Variants in RNH1 observed in about 807,000 individuals in gnomAD.
RNH1 encodes ribonuclease inhibitor.
In RNH1, 38 loss-of-function variants were observed where a neutral mutation model predicts 46.1. The ratio of observed to expected loss-of-function variants is 0.82; its 90% CI spans 0.64 to 1.08. The LOEUF is 1.08. Among genes scored for constraint, RNH1 ranks in the 50% least tolerant of loss-of-function variants. The pLI, the probability that RNH1 is intolerant of heterozygous loss-of-function variation, is 0.00. For missense variants in RNH1, 577 were observed against 590.7 expected (o/e 0.98, Z 0.24); for synonymous variants, 319 against 279.1 (o/e 1.14, Z -1.43).
At chr11:503,819 C>T (rs982824456) in intron 2 of RNH1, among the ~76,000 whole-genome samples, 1 of 152,098 alleles carries the variant, frequency 6.6e-6, no homozygotes, top group African/African-American at 2.4e-5. Flanking sequence ...GGAGTAGCCC[C>T]GTCCCTACCC....
At position 507,195 on chromosome 11, in the gene RNH1, T is replaced by TGAACGTGTC. The variant is rs1410106241; in HGVS notation, c.-352_-344dup. On this transcript the variant is annotated 5_prime_UTR_variant, in exon 1 of 11. Transcript: ENST00000354420. ...TCGTTCTCGAGCCAGCAGAACGGGT[T>TGAACGTGTC]GAACGTGTCGACAACCCCACCCGCC... 6.6e-6 allele frequency: 1 copy of TGAACGTGTC among 152,008 alleles called. No homozygotes were observed. Among genetic ancestry groups the TGAACGTGTC allele is most frequent in the Non-Finnish European group, 1.5e-5 (1 of 67,988 alleles). 9.4% of individuals were successfully genotyped at this position (152,008 alleles called of 1,614,324 possible). A position where few individuals can be genotyped will look rare whatever the true frequency, so the allele number is the denominator to read the frequency against.
chr11:494,925 A>G lies in RNH1; in HGVS notation c.1256T>C (p.Val419Ala), dbSNP rs573724734. The G allele has an allele frequency of 1.7e-5, 28 of 1,610,826 alleles. No homozygotes were observed. The East Asian group carries it at 5.8e-4, about 33-fold the overall frequency. ...GCAGCCCGGCTGCCGGACGCTCTCC[A>G]CCAGCTGCAGGATGCCGGCGTCCCC... ...CLGDAGILQL[V>A]ESVRQPGCLL... The change falls in exon 10 of 11, where the codon GTG becomes GCG. Residue 419 changes from valine to alanine, a missense_variant. Val to Ala is a moderately conservative substitution (Grantham distance 64). Coordinates refer to ENST00000354420, the MANE Select transcript of RNH1 (RefSeq NM_203387.3).
chr11:499,221 G>T (rs779690177), intron 5 of RNH1, 36 bp from the exon 6 acceptor site: 19 of 1,605,508 alleles, frequency 1.2e-5, no homozygotes, highest in Non-Finnish European at 1.4e-5. Flanking sequence ...ACACAGGAAT[G>T]TGCACCAGCC....
Position 500,541 on chromosome 11 carries a change from C to A in RNH1, c.215G>T (p.Gly72Val). 6.2e-7 allele frequency: 1 copy of A among 1,610,772 alleles called. No homozygotes were observed. The highest frequency in any genetic ancestry group is 8.5e-7 in the Non-Finnish European group (1 of 1,179,998). The change falls in exon 4 of 11, where the codon GGC becomes GTC. Residue 72 changes from glycine to valine, a missense_variant. Gly to Val is a moderately radical substitution (Grantham distance 109). Transcript: ENST00000354420. Reference sequence around the variant, plus strand: ...CAGGCCCTGGAGCACGCAATGCACGCCGACATCGCCCAGCTCGTTGCTGCG... The same window carrying A: ...CAGGCCCTGGAGCACGCAATGCACGACGACATCGCCCAGCTCGTTGCTGCG... ...NLRSNELGDVGVHCVLQGLQT... is the reference protein window; with the variant it reads ...NLRSNELGDVVVHCVLQGLQT...
chr11:506,782 G>C (rs1406925836), intron 1 of RNH1: 1 of 152,376 alleles, frequency 6.6e-6, no homozygotes, highest in Non-Finnish European at 1.5e-5. Flanking sequence ...GCACTAGAGG[G>C]CTTGACGGCC....
intron 9 of RNH1, among the ~76,000 whole-genome samples, chr11:496,849 A>G (rs569305413): frequency 2.1e-4 from 32 of 152,396 alleles, no homozygotes; most frequent in Admixed American, 1.7e-3. Context: ...ATCCTGACAC[A>G]GGCGGGGTTC....
chr11:501,635 G>C lies in RNH1; in HGVS notation c.101+427C>G, dbSNP rs748936854. 1 of 184,070 alleles carries C rather than the reference G, an allele frequency of 5.4e-6. No homozygotes were observed. Among genetic ancestry groups the C allele is most frequent in the Non-Finnish European group, 1.1e-5 (1 of 87,408 alleles). The allele number at this position is 184,070 out of a possible 1,614,324, so 11.4% of individuals were successfully genotyped here. On this transcript the variant is annotated intron_variant, in intron 3 of 10. Coordinates refer to ENST00000354420, the MANE Select transcript of RNH1 (RefSeq NM_203387.3). The surrounding 1 kb of genome is among the most constrained non-coding windows in gnomAD (Gnocchi z 4.1). ...AAAGATGCGGCCCACCCAGGCACTC[G>C]TGTCCTGCTTGTGAAGCTGCTGGGT...
chr11:501,440 C>A lies in RNH1; in HGVS notation c.101+622G>T. On this transcript the variant is annotated intron_variant, in intron 3 of 10. Coordinates refer to ENST00000354420, the MANE Select transcript of RNH1 (RefSeq NM_203387.3). The surrounding 1 kb of genome is among the most constrained non-coding windows in gnomAD (Gnocchi z 4.1). ...GGGCTGAGGGCCACGCAATCCTGGA[C>A]CAGTGAGGAAGACGAAAAGGGCAGG... The A allele has an allele frequency of 6.3e-6, 1 of 159,022 alleles. No homozygotes were observed. Among genetic ancestry groups the A allele is most frequent in the East Asian group, 1.9e-4 (1 of 5,336 alleles). 9.9% of individuals were successfully genotyped at this position (159,022 alleles called of 1,614,324 possible). A position where few individuals can be genotyped will look rare whatever the true frequency, so the allele number is the denominator to read the frequency against.
rs547515885 is a variant in RNH1, at chr11:500,129, G to T, written c.273-130C>A. The T allele has an allele frequency of 3.0e-5, 34 of 1,140,112 alleles. No homozygotes were observed. In the South Asian group the frequency reaches 5.1e-4, roughly 17 times the overall value. 70.6% of individuals were successfully genotyped at this position (1,140,112 alleles called of 1,614,324 possible). ...TATACCTGCTCCTTCCCTGGACGGG[G>T]CTCTGGGGTCTGGGGTCTCCAGGCC... On this transcript the variant is annotated intron_variant, in intron 4 of 10. Transcript: ENST00000354420.
intron 1 of RNH1, 80 bp downstream of exon 1, chr11:507,033 C>T (rs1376613938): frequency 2.0e-5 from 3 of 152,254 alleles, no homozygotes; most frequent in East Asian, 1.9e-4. Context: ...TAGCGCCAGG[C>T]CCGCGTCTAC....
rs1445932929 is a variant in RNH1, at chr11:498,474, G to A, written c.939C>T (p.Cys313=). The change falls in exon 8 of 11, where the codon TGC becomes TGT. Residue 313 remains cysteine (C), a synonymous_variant. Transcript: ENST00000354420. ...ACACTCACCACAGCGACTCCAGCTG[G>A]CAGCCAGGTTCCAGCAGGGTCTCAC... is the stretch of plus-strand genomic sequence containing the variant. ...LLCETLLEPG[C]QLESLWVKSC... is the part of the protein sequence containing the mutation. 1 of 1,612,908 alleles carries A rather than the reference G, an allele frequency of 6.2e-7. No individual in the cohort carries two copies. Among genetic ancestry groups the A allele is most frequent in the South Asian group, 1.1e-5 (1 of 91,078 alleles).
At position 498,038 on chromosome 11, in the gene RNH1, C is replaced by G; in HGVS notation, c.1060G>C (p.Glu354Gln). ...LELQISNNRL[E>Q]DAGVRELCQG... ...CACAGCTCCCGCACGCCCGCATCCTCCAGCCTGTTGTTGCTTATCTGTAGC... is the reference window on the plus strand; with the variant it reads ...CACAGCTCCCGCACGCCCGCATCCTGCAGCCTGTTGTTGCTTATCTGTAGC... The change falls in exon 9 of 11, where the codon GAG becomes CAG. Residue 354 changes from glutamate (E) to glutamine (Q), a missense_variant. By Grantham distance (29) the Glu-to-Gln change is conservative. Transcript: ENST00000354420. 1 of 1,614,152 alleles carries G rather than the reference C, an allele frequency of 6.2e-7. No individual in the cohort carries two copies. Among genetic ancestry groups the G allele is most frequent in the Non-Finnish European group, 8.5e-7 (1 of 1,180,032 alleles).
At chr11:497,914 GCA>G (rs966846888) in intron 9 of RNH1, 55 bp downstream of exon 9, 4 of 1,563,968 alleles carry the variant, frequency 2.6e-6, no homozygotes, top group Admixed American at 1.8e-5. Flanking sequence ...GCCCTTGTGT[GCA>G]CACACGGGCA....
chr11:496,598 G>T (rs1849084050), intron 9 of RNH1, among the ~76,000 whole-genome samples: 1 of 152,200 alleles, frequency 6.6e-6, no homozygotes, highest in Non-Finnish European at 1.5e-5. Context: ...GAACTTGGGA[G>T]GCGGAGCTTG....
rs1455297249 is a variant in RNH1 at position 501,342 on chromosome 11, C to G, written c.102-688G>C. On this transcript the variant is annotated intron_variant, in intron 3 of 10. Coordinates refer to ENST00000354420, the MANE Select transcript of RNH1 (RefSeq NM_203387.3). The surrounding 1 kb of genome is among the most constrained non-coding windows in gnomAD (Gnocchi z 4.1). Reference sequence around the variant, plus strand: ...AGAGGACGTCCTGCAGGAGCCTGGCCAGACCCTCAGACCACCAAGAACCCA... The same window carrying G: ...AGAGGACGTCCTGCAGGAGCCTGGCGAGACCCTCAGACCACCAAGAACCCA... 5 of 164,712 alleles carry G rather than the reference C, an allele frequency of 3.0e-5. No homozygotes were observed. Among genetic ancestry groups the G allele is most frequent in the Admixed American group, 5.7e-5 (1 of 17,554 alleles). 10.2% of individuals were successfully genotyped at this position (164,712 alleles called of 1,614,324 possible).
At chr11:498,728 C>T in intron 7 of RNH1, 35 bp downstream of exon 7, 1 of 1,590,164 alleles carries the variant, frequency 6.3e-7, no homozygotes, top group Non-Finnish European at 8.5e-7. Context: ...CGCCGCCCGA[C>T]CCTCCGGGAA....
At chr11:500,159 G>C in intron 4 of RNH1, 160 bp from the exon 5 acceptor site, 2 of 847,856 alleles carry the variant, frequency 2.4e-6, no homozygotes, top group Middle Eastern at 3.6e-4. Context: ...CAGGCCGAGT[G>C]AAGGAGGGCA....
chr11:499,589 T>G (rs1849540229), intron 5 of RNH1: 1 of 714,586 alleles, frequency 1.4e-6, no homozygotes, highest in South Asian at 1.5e-5. Flanking sequence ...AGCTGTGCCT[T>G]GCAAAGGACA....
intron 9 of RNH1, among the ~76,000 whole-genome samples, chr11:495,657 G>C (rs1383181980): frequency 6.6e-6 from 1 of 152,210 alleles, no homozygotes; most frequent in Non-Finnish European, 1.5e-5. Flanking sequence ...AGTGGCTCAG[G>C]GGGAACAAGT....
Sources: gnomAD v4.1 joint callset for allele counts (sites outside exome capture counted in the v4.1 genomes callset) on GRCh38, gnomAD v4.1.1 for gene constraint, Gnocchi (gnomAD v3.1) non-coding constraint, MANE v1.5 for transcripts, NCBI Gene and HGNC (gene_info 2026-07-23, HGNC 2026-07-21) for gene names.